CTNNA3: variants seen among roughly 807,000 people sequenced by gnomAD.
CTNNA3 encodes the protein catenin alpha 3, also known as catenin alpha-3.
A neutral mutation model predicts 95.7 loss-of-function variants in CTNNA3; 76 were observed. The observed-to-expected ratio is 0.79, with a 90% confidence interval of 0.66 to 0.96. The LOEUF is 0.96. CTNNA3 is among the 40% of genes least tolerant of loss of function. The pLI is 0.00. For missense variants in CTNNA3, 1,191 were observed against 1,089.8 expected, an observed-to-expected ratio of 1.09 and a Z score of -1.31; for synonymous variants, 431 against 374.4, an observed-to-expected ratio of 1.15 and a Z score of -1.74.
intron 17 of CTNNA3, among the ~76,000 whole-genome samples, chr10:65,930,915 G>A (rs2077242733): frequency 6.6e-6 from 1 of 152,114 alleles, no homozygotes; most frequent in Non-Finnish European, 1.5e-5. Flanking sequence ...TAGATTAATT[G>A]TAAATTAATA....
At chr10:66,372,104 G>T (rs1478833928) in intron 12 of CTNNA3, among the ~76,000 whole-genome samples, 2 of 152,128 alleles carry the variant, frequency 1.3e-5, no homozygotes, top group Non-Finnish European at 2.9e-5. Flanking sequence ...GTCCCTTGCA[G>T]TCTGCCAGTT....
At chr10:67,564,142 G>A (rs1259776152) in intron 3 of CTNNA3, among the ~76,000 whole-genome samples, 1 of 149,446 alleles carries the variant, frequency 6.7e-6, no homozygotes, top group Non-Finnish European at 1.5e-5. Flanking sequence ...CCCATTACTG[G>A]GTATATACCC....
chr10:67,039,157 T>C (rs1434725353), intron 7 of CTNNA3, among the ~76,000 whole-genome samples: 1 of 152,092 alleles, frequency 6.6e-6, no homozygotes, highest in Non-Finnish European at 1.5e-5. Context: ...CCATAAGCTA[T>C]ACTGTTACCA....
chr10:67,393,256 C>A (rs1183545282), intron 5 of CTNNA3, among the ~76,000 whole-genome samples: 1 of 152,016 alleles, frequency 6.6e-6, no homozygotes, highest in East Asian at 1.9e-4. Flanking sequence ...ATTACTCATA[C>A]CATCATTGTT....
chr10:66,618,404 C>T (rs1844607700), intron 10 of CTNNA3, among the ~76,000 whole-genome samples: 2 of 151,954 alleles, frequency 1.3e-5, no homozygotes, highest in Admixed American at 1.3e-4. Flanking sequence ...AGAAATAACG[C>T]TGCATATCTA....
chr10:67,013,098 A>G (rs1331482520), intron 7 of CTNNA3: 1 of 152,174 alleles, frequency 6.6e-6, no homozygotes, highest in Non-Finnish European at 1.5e-5. Context: ...TAGGAAAGAC[A>G]TCATCTTTCA....
chr10:66,108,770 A>G (rs2082003521), intron 13 of CTNNA3, among the ~76,000 whole-genome samples: 1 of 152,162 alleles, frequency 6.6e-6, no homozygotes, highest in Non-Finnish European at 1.5e-5. Context: ...CAAACAATTT[A>G]ATTACTGACA....
intron 5 of CTNNA3, among the ~76,000 whole-genome samples, chr10:67,276,540 C>T (rs1589117513): frequency 6.6e-6 from 1 of 152,020 alleles, no homozygotes; most frequent in East Asian, 1.9e-4. Flanking sequence ...CCACACAAGA[C>T]AATATTATGC....
At chr10:67,139,389 C>T (rs940038084) in intron 7 of CTNNA3, among the ~76,000 whole-genome samples, 14 of 151,116 alleles carry the variant, frequency 9.3e-5, no homozygotes, top group African/African-American at 1.5e-4. Flanking sequence ...CCTCATGATC[C>T]GCTCGCCTCA....
chr10:66,318,188 G>C (rs750057387), intron 12 of CTNNA3, among the ~76,000 whole-genome samples: 17 of 151,308 alleles, frequency 1.1e-4, no homozygotes, highest in Non-Finnish European at 8.8e-5. Context: ...TTTGTCCCTA[G>C]ATCAACCAAG....
intron 15 of CTNNA3, among the ~76,000 whole-genome samples, chr10:66,001,620 A>G (rs2078770722): frequency 6.6e-6 from 1 of 152,168 alleles, no homozygotes; most frequent in Non-Finnish European, 1.5e-5. Context: ...AGGAATAGAA[A>G]ATCAAATGTT....
intron 9 of CTNNA3, among the ~76,000 whole-genome samples, chr10:66,747,648 G>A (rs942705473): frequency 5.3e-5 from 8 of 152,128 alleles, no homozygotes; most frequent in African/African-American, 1.9e-4. Context: ...GAAATTACAT[G>A]TGGGTTGGTC....
intron 7 of CTNNA3, among the ~76,000 whole-genome samples, chr10:66,780,748 AGTAGG>A (rs1292679134): frequency 2.0e-5 from 3 of 152,228 alleles, no homozygotes; most frequent in Non-Finnish European, 2.9e-5. Context: ...CTTTGCACAT[AGTAGG>A]GGCTCAACAG....
At chr10:66,865,350 T>A (rs1448382659) in intron 7 of CTNNA3, among the ~76,000 whole-genome samples, 2 of 152,046 alleles carry the variant, frequency 1.3e-5, no homozygotes, top group African/African-American at 4.8e-5. Flanking sequence ...ATTTCTATCA[T>A]CATGTTAAAA....
chr10:66,470,705 A>G (rs748514540), intron 11 of CTNNA3, among the ~76,000 whole-genome samples: 4 of 151,906 alleles, frequency 2.6e-5, no homozygotes, highest in Non-Finnish European at 4.4e-5. Flanking sequence ...GAAAGCCAAG[A>G]GAGCCTATTA....
rs764094305 is a variant in CTNNA3, at chr10:67,397,505, G to A, written c.579+124337C>T. On this transcript the variant is annotated intron_variant, in intron 5 of 17. Coordinates refer to ENST00000433211, the MANE Select transcript of CTNNA3 (RefSeq NM_013266.4). ...TTTCTAAGTGACAAAGCATTCAAGA[G>A]GAAGCAGAGCATAAAAGTTCGGAAA... Among the ~76,000 whole-genome samples, 30 of 152,192 alleles carry A rather than the reference G, an allele frequency of 2.0e-4. 1 individual carries two copies. The highest frequency in any genetic ancestry group is 9.2e-4 in the Admixed American group (14 of 15,278).
At chr10:67,273,656 A>G (rs1230003593) in intron 5 of CTNNA3, among the ~76,000 whole-genome samples, 1 of 152,210 alleles carries the variant, frequency 6.6e-6, no homozygotes, top group East Asian at 1.9e-4. Context: ...TATAATAACC[A>G]AAACTTAGAA....
At chr10:66,197,086 CTA>C (rs1398457810) in intron 13 of CTNNA3, among the ~76,000 whole-genome samples, 1 of 152,162 alleles carries the variant, frequency 6.6e-6, no homozygotes, top group African/African-American at 2.4e-5. Flanking sequence ...GGATATTGGT[CTA>C]TGTCACCTGA....
chr10:67,564,673 G>GTATATATA (rs1183217023), intron 3 of CTNNA3, among the ~76,000 whole-genome samples: 1 of 72,410 alleles, frequency 1.4e-5, no homozygotes, highest in Admixed American at 1.7e-4. Context: ...ATGTGTGTGT[G>GTATATATA]TGTGTATATA....
Sources: allele counts gnomAD v4.1 joint callset (sites outside exome capture counted in the v4.1 genomes callset), GRCh38; gene constraint gnomAD v4.1.1; transcripts MANE v1.5; gene names NCBI Gene and HGNC (gene_info 2026-07-23, HGNC 2026-07-21).